JMJD1C: variants seen among roughly 807,000 people sequenced by gnomAD.
JMJD1C encodes jumonji domain-containing protein 1C.
Under a neutral mutation model 245.3 loss-of-function variants are expected in JMJD1C, and 31 were observed. That is an observed-to-expected ratio of 0.13 (90% CI 0.09 to 0.17). The LOEUF is 0.17. Among genes scored for constraint, JMJD1C ranks in the 10% least tolerant of loss-of-function variants. The pLI is 1.00. For missense variants in JMJD1C, 2,691 were observed against 3,000.2 expected (o/e 0.90, Z 2.41); for synonymous variants, 1,057 against 1,017.4 (o/e 1.04, Z -0.74).
At chr10:63,316,906 GC>G (rs1226379238) in intron 2 of JMJD1C, among the ~76,000 whole-genome samples, 1 of 152,134 alleles carries the variant, frequency 6.6e-6, no homozygotes, top group Admixed American at 6.5e-5. Context: ...CCAGGCTGGA[GC>G]CCACTGGCAG....
intron 22 of JMJD1C, among the ~76,000 whole-genome samples, chr10:63,179,923 A>G (rs1336179686): frequency 6.6e-6 from 1 of 152,238 alleles, no homozygotes; most frequent in East Asian, 1.9e-4. Context: ...GCTACAAAGT[A>G]TATATCAGAT....
At chr10:63,172,258 A>G (rs993241034) in intron 24 of JMJD1C, among the ~76,000 whole-genome samples, 3 of 152,232 alleles carry the variant, frequency 2.0e-5, no homozygotes, top group Non-Finnish European at 1.5e-5. Context: ...TTTTCTAACT[A>G]TCTCAAAGAA....
chr10:63,439,783 A>AG (rs1428044724), intron 1 of JMJD1C, among the ~76,000 whole-genome samples: 6 of 152,242 alleles, frequency 3.9e-5, no homozygotes, highest in South Asian at 2.1e-4. Flanking sequence ...CTTATATGTC[A>AG]TGAAGTCACT....
chr10:63,230,787 AT>A (rs1416047835), intron 3 of JMJD1C, among the ~76,000 whole-genome samples: 1 of 151,560 alleles, frequency 6.6e-6, no homozygotes, highest in Non-Finnish European at 1.5e-5. Flanking sequence ...CCCAAAAAAA[AT>A]AAATAAAAAA....
chr10:63,217,090 AC>A, intron 5 of JMJD1C, 116 bp downstream of exon 5: 1 of 905,554 alleles, frequency 1.1e-6, no homozygotes, highest in Non-Finnish European at 1.7e-6. Flanking sequence ...CTAGAATTAC[AC>A]GACTAAAAAC....
chr10:63,196,571 A>T (rs1435796659), intron 13 of JMJD1C, among the ~76,000 whole-genome samples: 3 of 152,194 alleles, frequency 2.0e-5, no homozygotes, highest in African/African-American at 7.2e-5. Flanking sequence ...TGGTTAAATC[A>T]TGGTTCATCT....
At chr10:63,460,329 C>A (rs1952699614) in intron 1 of JMJD1C, among the ~76,000 whole-genome samples, 1 of 151,956 alleles carries the variant, frequency 6.6e-6, no homozygotes, top group South Asian at 2.1e-4. Context: ...CCAGCCTGGG[C>A]AACAAAGTGA....
Position 63,380,431 on chromosome 10 carries a change from C to T in JMJD1C, c.220G>A (p.Val74Ile), listed in dbSNP as rs1383974994. ...LEWDKREWVKVYEDFSTFLVE... is the reference protein window; with the variant it reads ...LEWDKREWVKIYEDFSTFLVE... ...AAGAAAGTTGAAAAATCTTCATAAA[C>T]TTTAACCCACTCTCGTTTATCCCAT... The change falls in exon 2 of 26, where the codon GTT becomes ATT. Residue 74 changes from valine (V) to isoleucine (I), a missense_variant. This residue lies in a region of JMJD1C where 135 missense variants were observed against 115.5 expected (regional missense o/e 1.17). Coordinates refer to ENST00000399262, the MANE Select transcript of JMJD1C (RefSeq NM_032776.3). 1.2e-6 allele frequency: 2 copies of T among 1,613,958 alleles called. No individual in the cohort carries two copies. The highest frequency in any genetic ancestry group is 4.5e-5 in the East Asian group (2 of 44,852).
At chr10:63,212,521 T>C (rs1245780707) in intron 8 of JMJD1C, among the ~76,000 whole-genome samples, 1 of 152,176 alleles carries the variant, frequency 6.6e-6, no homozygotes, top group Non-Finnish European at 1.5e-5. Context: ...AGAAACTACA[T>C]GGCTCATGAA....
Position 63,248,162 on chromosome 10 carries a change from A to G in JMJD1C, c.447+16489T>C, listed in dbSNP as rs1024434411. ...TATTTTACCACAATTAAACATTTTT[A>G]TTAAAAAATTTAGCAGAAGGCCAGG... On this transcript the variant is annotated intron_variant, in intron 3 of 25. Coordinates refer to ENST00000399262, the MANE Select transcript of JMJD1C (RefSeq NM_032776.3). 3.9e-5 allele frequency among the ~76,000 whole-genome samples: 6 copies of G among 152,156 alleles called. No homozygotes were observed. The South Asian group carries it at 1.0e-3, about 26-fold the overall frequency.
At chr10:63,393,226 C>T (rs1254578158) in intron 1 of JMJD1C, among the ~76,000 whole-genome samples, 1 of 152,048 alleles carries the variant, frequency 6.6e-6, no homozygotes, top group Non-Finnish European at 1.5e-5. Flanking sequence ...TGTGATCGCA[C>T]CACTGTACTC....
chr10:63,443,795 C>A (rs956537289), intron 1 of JMJD1C, among the ~76,000 whole-genome samples: 1 of 152,156 alleles, frequency 6.6e-6, no homozygotes, highest in Non-Finnish European at 1.5e-5. Context: ...CCAGACCATA[C>A]CCTGAAGTTA....
At chr10:63,260,215 T>C (rs1854519618) in intron 3 of JMJD1C, among the ~76,000 whole-genome samples, 1 of 152,226 alleles carries the variant, frequency 6.6e-6, no homozygotes, top group Non-Finnish European at 1.5e-5. Context: ...TAGTGACCTT[T>C]GTTTTATTTC....
In JMJD1C at chr10:63,248,529, GATAA is replaced by G. The variant is rs373943626; in HGVS notation, c.447+16118_447+16121del. 2.7e-3 allele frequency among the ~76,000 whole-genome samples: 368 copies of G among 137,054 alleles called. 1 individual carries two copies. The highest frequency in any genetic ancestry group is 7.0e-3 in the African/African-American group (251 of 36,004). The allele number at this position is 137,054 out of a possible 152,430, so 89.9% of individuals were successfully genotyped here. On this transcript the variant is annotated intron_variant, in intron 3 of 25. Coordinates refer to ENST00000399262, the MANE Select transcript of JMJD1C (RefSeq NM_032776.3). Reference sequence around the variant, plus strand: ...GAATGAGACCTCATCTCAATAGATAGATAAATAAATAAATAAATAAATAAATAAA... The same window carrying G: ...GAATGAGACCTCATCTCAATAGATAGATAAATAAATAAATAAATAAATAAA...
At chr10:63,184,145 T>G (rs1843822004) in intron 21 of JMJD1C, among the ~76,000 whole-genome samples, 1 of 152,064 alleles carries the variant, frequency 6.6e-6, no homozygotes, top group Non-Finnish European at 1.5e-5. Context: ...CAGGGTGGTC[T>G]CAATCTCTTA....
In JMJD1C at chr10:63,185,870, A is replaced by G. The variant is rs558664422; in HGVS notation, c.6740-217T>C. The stretch of plus-strand genomic sequence containing the variant: ...GAATTCATTAAATTACCCACTTGTA[A>G]TATCTCAAAAGTTGTTTTTAAAAAT... On this transcript the variant is annotated intron_variant, in intron 19 of 25. Transcript: ENST00000399262. 6.8e-4 allele frequency among the ~76,000 whole-genome samples: 103 copies of G among 152,330 alleles called. 2 individuals are homozygous for G. In the South Asian group the frequency reaches 0.021, roughly 32 times the overall value.
In JMJD1C at chr10:63,444,689, G is replaced by A. The variant is rs1436676909; in HGVS notation, c.168+20806C>T. Among the ~76,000 whole-genome samples the A allele has an allele frequency of 5.7e-4, 77 of 136,206 alleles. 1 individual carries two copies. Among genetic ancestry groups the A allele is most frequent in the Middle Eastern group, 9.5e-3 (2 of 210 alleles). The allele number at this position is 136,206 out of a possible 152,430, so 89.4% of individuals were successfully genotyped here. A position where few individuals can be genotyped will look rare whatever the true frequency, so the allele number is the denominator to read the frequency against. On this transcript the variant is annotated intron_variant, in intron 1 of 25. Transcript: ENST00000399262. ...TGCCCGGGCTGGAGTGCAATAACAC[G>A]ATCTCAGCTCACTGCAACCTCCGCC...
Position 63,215,579 on chromosome 10 carries a change from C to A in JMJD1C, c.796G>T (p.Ala266Ser). Reference sequence around the variant, plus strand: ...TGAACAGCGTTGACGTTTTGATTGGCACGAGACCTGCGTCGTGATGTAATG... The same window carrying A: ...TGAACAGCGTTGACGTTTTGATTGGAACGAGACCTGCGTCGTGATGTAATG... ...IGITSRRRSR[A>S]NQNVNAVHSH... is the part of the protein sequence containing the mutation. The change falls in exon 6 of 26, where the codon GCC becomes TCC. Residue 266 changes from alanine to serine, a missense_variant. Physicochemically the swap from Ala to Ser is moderately conservative, Grantham distance 99 (BLOSUM62 1). Around this residue, in one of 9 missense-constraint regions of JMJD1C, gnomAD observed 172 missense variants for 240.8 expected, o/e 0.71. Coordinates refer to ENST00000399262, the MANE Select transcript of JMJD1C (RefSeq NM_032776.3). 1 of 1,610,282 alleles carries A rather than the reference C, an allele frequency of 6.2e-7. No individual in the cohort carries two copies. The highest frequency in any genetic ancestry group is 1.1e-5 in the South Asian group (1 of 90,998).
rs188820297 is a variant in JMJD1C, at chr10:63,367,008, A to G, written c.333+13310T>C. Among the ~76,000 whole-genome samples, 158 of 152,320 alleles carry G rather than the reference A, an allele frequency of 1.0e-3. 1 individual carries two copies. Among genetic ancestry groups the G allele is most frequent in the African/African-American group, 3.7e-3 (153 of 41,582 alleles). ...AAGTCTTACCAAAATAACAGGCAAT[A>G]AAGATTCATAAGACAATGGAGAAAA... On this transcript the variant is annotated intron_variant, in intron 2 of 25. Transcript: ENST00000399262.
Sources: allele counts gnomAD v4.1 joint callset (sites outside exome capture counted in the v4.1 genomes callset), GRCh38; gene constraint gnomAD v4.1.1; regional missense constraint gnomAD v4.1.1; transcripts MANE v1.5; gene names NCBI Gene and HGNC (gene_info 2026-07-23, HGNC 2026-07-21).